The following EVI5 variants were observed in gnomAD, a reference collection of about 807,000 sequenced individuals.
EVI5 encodes ecotropic viral integration site 5 protein homolog.
A neutral mutation model predicts 112.0 loss-of-function variants in EVI5; 73 were observed. The observed-to-expected ratio is 0.65, with a 90% confidence interval of 0.54 to 0.79. EVI5 has a LOEUF of 0.79. Among genes scored for constraint, EVI5 ranks in the 30% least tolerant of loss-of-function variants. The pLI, the probability that EVI5 is intolerant of heterozygous loss-of-function variation, is 0.00. For synonymous variants in EVI5, 305 were observed against 319.9 expected, an observed-to-expected ratio of 0.95 and a Z score of 0.50; for missense variants, 900 against 968.8, an observed-to-expected ratio of 0.93 and a Z score of 0.94.
intron 16 of EVI5, among the ~76,000 whole-genome samples, chr1:92,614,935 CCTGA>C (rs1319778509): frequency 6.8e-6 from 1 of 147,386 alleles, no homozygotes; most frequent in African/African-American, 2.5e-5. Context: ...TCTAGAGAAC[CCTGA>C]CTAATATAGA....
upstream of EVI5, among the ~76,000 whole-genome samples, chr1:92,788,986 A>G (rs1685884142): frequency 6.6e-6 from 1 of 152,178 alleles, no homozygotes; most frequent in Non-Finnish European, 1.5e-5. Context: ...CATATGAAGA[A>G]GCTGAAATTT....
chr1:92,788,275 G>C (rs1324106078), upstream of EVI5, among the ~76,000 whole-genome samples: 1 of 151,060 alleles, frequency 6.6e-6, no homozygotes, highest in East Asian at 2.0e-4. Context: ...TTCAAGACCA[G>C]CCTGGACAAC....
chr1:92,743,388 C>T (rs1023230936), intron 1 of EVI5, among the ~76,000 whole-genome samples: 1 of 152,014 alleles, frequency 6.6e-6, no homozygotes, highest in Admixed American at 6.5e-5. Flanking sequence ...CATACCACAA[C>T]ATGAACACAC....
In EVI5 at chr1:92,757,189, T is replaced by G. The variant is rs114547655; in HGVS notation, c.-81-20562A>C. Among the ~76,000 whole-genome samples the G allele has an allele frequency of 3.2e-3, 492 of 152,348 alleles. 7 individuals carry two copies. The highest frequency in any genetic ancestry group is 0.011 in the African/African-American group (465 of 41,590). Reference sequence around the variant, plus strand: ...AATTTAGTTACAACAAATCCGTGTATGACAAAAATGCTCACGTCCTGGCTA... The same window carrying G: ...AATTTAGTTACAACAAATCCGTGTAGGACAAAAATGCTCACGTCCTGGCTA... On this transcript the variant is annotated intron_variant, in intron 1 of 19. Transcript: ENST00000684568.
chr1:92,777,023 C>T (rs1162049287), intron 1 of EVI5, among the ~76,000 whole-genome samples: 8 of 152,016 alleles, frequency 5.3e-5, no homozygotes, highest in East Asian at 1.9e-4. Context: ...AAGATGGTCT[C>T]AATCTCCTGA....
At chr1:92,748,253 G>C (rs1305573849) in intron 1 of EVI5, among the ~76,000 whole-genome samples, 2 of 152,120 alleles carry the variant, frequency 1.3e-5, no homozygotes, top group South Asian at 4.1e-4. Context: ...CTTTCAAGAA[G>C]CCCAAACTAG....
intron 19 of EVI5, among the ~76,000 whole-genome samples, chr1:92,562,435 CAGA>C (rs1668775601): frequency 1.3e-5 from 2 of 152,026 alleles, no homozygotes; most frequent in South Asian, 4.1e-4. Flanking sequence ...AAGGCTGAGG[CAGA>C]AGAATGGCAT....
chr1:92,697,798 C>T, intron 6 of EVI5, 62 bp downstream of exon 6: 1 of 1,397,956 alleles, frequency 7.2e-7, no homozygotes, highest in Non-Finnish European at 9.9e-7. Context: ...TTAGTTGGCA[C>T]TCAGAACAAG....
chr1:92,711,848 G>T (rs1225714485), intron 2 of EVI5, among the ~76,000 whole-genome samples: 1 of 152,156 alleles, frequency 6.6e-6, no homozygotes, highest in Non-Finnish European at 1.5e-5. Flanking sequence ...TCTTGGACTG[G>T]GTAATTTTTA....
chr1:92,630,473 G>C (rs1395180568), intron 14 of EVI5, among the ~76,000 whole-genome samples: 2 of 152,204 alleles, frequency 1.3e-5, no homozygotes, highest in Non-Finnish European at 2.9e-5. Context: ...CTTCTTTTGA[G>C]AAGTGTCTGT....
chr1:92,700,574 A>G (rs927339), intron 5 of EVI5, among the ~76,000 whole-genome samples: 140,231 of 152,212 alleles, frequency 0.92, 64,682 homozygotes, highest in East Asian at 0.97. Flanking sequence ...ATTGAAGTTA[A>G]TATCTCTACC....
intron 9 of EVI5, among the ~76,000 whole-genome samples, chr1:92,691,465 T>C (rs767419601): frequency 2.6e-5 from 4 of 152,234 alleles, no homozygotes; most frequent in Non-Finnish European, 5.9e-5. Context: ...TTGTTATGTC[T>C]GAAAATTTTC....
rs568867866 is a variant in EVI5, at chr1:92,647,468, A to G, written c.1393-11132T>C. 26 of 444,328 alleles carry G rather than the reference A, an allele frequency of 5.9e-5. No individual in the cohort carries two copies. In the East Asian group the frequency reaches 9.3e-4, roughly 16 times the overall value. The allele number at this position is 444,328 out of a possible 1,614,324, so 27.5% of individuals were successfully genotyped here. ...TTATCTGCCTTTGTCATTTCACCAC[A>G]TTTAGGATTCTCTTTGCCAGACACT... On this transcript the variant is annotated intron_variant, in intron 13 of 19. Transcript: ENST00000684568.
intron 1 of EVI5, among the ~76,000 whole-genome samples, chr1:92,743,343 C>T (rs933209909): frequency 6.6e-6 from 1 of 151,784 alleles, no homozygotes; most frequent in Non-Finnish European, 1.5e-5. Context: ...CAGAGCAAGA[C>T]TCCGTCTCAA....
chr1:92,541,448 C>T (rs574670441), intron 19 of EVI5, among the ~76,000 whole-genome samples: 7 of 151,942 alleles, frequency 4.6e-5, no homozygotes, highest in South Asian at 2.1e-4. Flanking sequence ...ACTACTTAAT[C>T]GAAAAAATAA....
At chr1:92,590,517 G>A (rs907078013) in intron 18 of EVI5, among the ~76,000 whole-genome samples, 5 of 152,162 alleles carry the variant, frequency 3.3e-5, no homozygotes, top group Non-Finnish European at 7.3e-5. Flanking sequence ...GGGTATCAGC[G>A]ATGGAATATC....
At chr1:92,597,077 T>A (rs1648082528) in intron 18 of EVI5, among the ~76,000 whole-genome samples, 1 of 152,138 alleles carries the variant, frequency 6.6e-6, no homozygotes, top group Non-Finnish European at 1.5e-5. Flanking sequence ...AAAAAACTTG[T>A]CAAAGATAAG....
At chr1:92,646,283 G>A (rs1205187445) in intron 13 of EVI5, among the ~76,000 whole-genome samples, 1 of 151,968 alleles carries the variant, frequency 6.6e-6, no homozygotes, top group East Asian at 1.9e-4. Flanking sequence ...AAGTACAGAA[G>A]GTTCTTTCTT....
intron 9 of EVI5, among the ~76,000 whole-genome samples, chr1:92,684,611 T>C (rs1368869001): frequency 2.6e-5 from 4 of 151,676 alleles, no homozygotes; most frequent in Non-Finnish European, 5.9e-5. Flanking sequence ...GACTGGCAAA[T>C]TAGATAAAGA....
Sources: allele counts gnomAD v4.1 joint callset (sites outside exome capture counted in the v4.1 genomes callset), GRCh38; gene constraint gnomAD v4.1.1; transcripts MANE v1.5; gene names NCBI Gene and HGNC (gene_info 2026-07-23, HGNC 2026-07-21).